Variants in ZNF277 observed in about 807,000 individuals in gnomAD.
ZNF277 encodes the protein nuclear receptor-interacting factor 4.
In ZNF277, 55 loss-of-function variants were observed where a neutral mutation model predicts 60.7. The ratio of observed to expected loss-of-function variants is 0.91; its 90% confidence interval spans 0.73 to 1.13. The LOEUF (loss-of-function observed/expected upper bound fraction) is 1.13, where lower values mean the gene tolerates loss of function less well. Among genes scored for constraint, ZNF277 ranks in the 50% most tolerant of loss-of-function variants. The pLI is 0.00. For synonymous variants in ZNF277, 178 were observed against 179.3 expected (o/e 0.99, Z 0.06); for missense variants, 510 against 523.0 (o/e 0.98, Z 0.24).
intron 1 of ZNF277, among the ~76,000 whole-genome samples, chr7:112,263,047 T>C (rs879729465): frequency 4.6e-5 from 7 of 152,172 alleles, no homozygotes; most frequent in Non-Finnish European, 5.9e-5. Flanking sequence ...ATGCCAGTCC[T>C]CTCCATTTCT....
At chr7:112,310,978 TTTTACTTTCGTC>T (rs908821721) in intron 4 of ZNF277, among the ~76,000 whole-genome samples, 1 of 152,146 alleles carries the variant, frequency 6.6e-6, no homozygotes, top group African/African-American at 2.4e-5. Flanking sequence ...TCCATCTTGG[TTTTACTTTCGTC>T]TGTTAATCCA....
intron 1 of ZNF277, 123 bp downstream of exon 1, chr7:112,206,930 GC>G: frequency 1.1e-6 from 1 of 936,156 alleles, no homozygotes; most frequent in Non-Finnish European, 1.5e-6. Context: ...GTTCGACTGG[GC>G]CCCACGGGTG....
At chr7:112,257,415 T>C (rs1282402116) in intron 1 of ZNF277, among the ~76,000 whole-genome samples, 4 of 152,156 alleles carry the variant, frequency 2.6e-5, no homozygotes, top group Admixed American at 6.5e-5. Flanking sequence ...TAATGGGTGC[T>C]AGAGAGAACT....
At chr7:112,308,070 C>T (rs2117095774) in intron 4 of ZNF277, among the ~76,000 whole-genome samples, 1 of 151,988 alleles carries the variant, frequency 6.6e-6, no homozygotes, top group Middle Eastern at 3.4e-3. Context: ...ATTTGGTTAT[C>T]TTCATATCCA....
In ZNF277 at chr7:112,206,769, A is replaced by T. The variant is rs748395240; in HGVS notation, c.53A>T (p.Asp18Val). The T allele has an allele frequency of 3.1e-6, 5 of 1,613,030 alleles. No individual in the cohort carries two copies. The South Asian group carries it at 4.4e-5, about 14-fold the overall frequency. ...GTCGCCCGAATGCAGGAAGACCGTG[A>T]TGGGAGCTGCAGCACAGTCGGGGGT... is the stretch of plus-strand genomic sequence containing the variant. Reference protein sequence around the residue: ...GAVARMQEDRDGSCSTVGGVG... With the variant: ...GAVARMQEDRVGSCSTVGGVG... The change falls in exon 1 of 12, where the codon GAT becomes GTT. Residue 18 changes from aspartate to valine, a missense_variant. Asp to Val is a radical substitution (Grantham distance 152, BLOSUM62 -3). Transcript: ENST00000361822.
At chr7:112,208,771 C>T (rs1247978364) in intron 1 of ZNF277, among the ~76,000 whole-genome samples, 1 of 147,844 alleles carries the variant, frequency 6.8e-6, no homozygotes, top group Non-Finnish European at 1.5e-5. Context: ...AGCTCCGCCT[C>T]CCAGGTTCAC....
At chr7:112,286,234 G>C (rs73717519) in intron 1 of ZNF277, among the ~76,000 whole-genome samples, 49 of 152,316 alleles carry the variant, frequency 3.2e-4, no homozygotes, top group African/African-American at 1.1e-3. Flanking sequence ...TCATCTATTT[G>C]TTCACAGAAG....
At chr7:112,307,524 C>A (rs1338849962) in intron 4 of ZNF277, among the ~76,000 whole-genome samples, 1 of 151,970 alleles carries the variant, frequency 6.6e-6, no homozygotes, top group Non-Finnish European at 1.5e-5. Context: ...AAGGGATTCT[C>A]CCTCCTTAGC....
At chr7:112,341,665 C>T (rs1793448088) in intron 11 of ZNF277, among the ~76,000 whole-genome samples, 1 of 152,306 alleles carries the variant, frequency 6.6e-6, no homozygotes, top group African/African-American at 2.4e-5. Context: ...TTTGCCAGAA[C>T]TTTGTGGACT....
intron 1 of ZNF277, among the ~76,000 whole-genome samples, chr7:112,276,031 C>T (rs1014920959): frequency 1.4e-4 from 22 of 152,122 alleles, no homozygotes; most frequent in African/African-American, 5.1e-4. Context: ...TGTAATTCAC[C>T]CATAGTATGG....
At chr7:112,294,435 A>G (rs1399325135) in intron 2 of ZNF277, among the ~76,000 whole-genome samples, 1 of 152,190 alleles carries the variant, frequency 6.6e-6, no homozygotes, top group Non-Finnish European at 1.5e-5. Context: ...AGTAGGGTGC[A>G]TCATTTATAT....
chr7:112,239,444 T>A (rs984635811), intron 1 of ZNF277, among the ~76,000 whole-genome samples: 12 of 152,212 alleles, frequency 7.9e-5, no homozygotes, highest in Non-Finnish European at 5.9e-5. Flanking sequence ...TGCTCCGGCT[T>A]CAGGTCTGAC....
At chr7:112,263,507 T>G (rs540516052) in intron 1 of ZNF277, among the ~76,000 whole-genome samples, 2 of 152,336 alleles carry the variant, frequency 1.3e-5, no homozygotes, top group East Asian at 1.9e-4. Context: ...GAAACAGGCC[T>G]TCTTCTTTAT....
At chr7:112,256,426 T>G (rs979212535) in intron 1 of ZNF277, among the ~76,000 whole-genome samples, 3 of 142,382 alleles carry the variant, frequency 2.1e-5, no homozygotes, top group Non-Finnish European at 3.1e-5. Flanking sequence ...TTGGAGTTTT[T>G]TTTTTTTTTT....
rs566032233 is a variant in ZNF277 at position 112,257,147 on chromosome 7, A to C, written c.92-29726A>C. Among the ~76,000 whole-genome samples, 204 of 152,358 alleles carry C rather than the reference A, an allele frequency of 1.3e-3. 3 individuals carry two copies. Among genetic ancestry groups the C allele is most frequent in the Middle Eastern group, 0.01 (3 of 294 alleles). On this transcript the variant is annotated intron_variant, in intron 1 of 11. Coordinates refer to ENST00000361822, the MANE Select transcript of ZNF277 (RefSeq NM_021994.3). ...TGATGACCATCAACATAATCAATAC[A>C]ATATTACTTGCTGACGCCACACCGG... is the stretch of plus-strand genomic sequence containing the variant.
chr7:112,254,622 G>A (rs1791269245), intron 1 of ZNF277, among the ~76,000 whole-genome samples: 1 of 152,208 alleles, frequency 6.6e-6, no homozygotes, highest in African/African-American at 2.4e-5. Flanking sequence ...ATTAGCTAAT[G>A]AAAAGAAGTG....
intron 5 of ZNF277, among the ~76,000 whole-genome samples, chr7:112,323,395 T>A (rs907839647): frequency 1.3e-5 from 2 of 152,220 alleles, no homozygotes; most frequent in Non-Finnish European, 2.9e-5. Flanking sequence ...GGGGTGAGAA[T>A]TTTTTCAATG....
At chr7:112,321,544 A>C (rs148153116) in intron 5 of ZNF277, among the ~76,000 whole-genome samples, 1 of 152,202 alleles carries the variant, frequency 6.6e-6, no homozygotes, top group East Asian at 1.9e-4. Flanking sequence ...TACTTATGTA[A>C]TTACCTTTAC....
chr7:112,318,911 C>T (rs570492389), intron 5 of ZNF277, among the ~76,000 whole-genome samples: 1 of 152,148 alleles, frequency 6.6e-6, no homozygotes, highest in South Asian at 2.1e-4. Flanking sequence ...GAATTACTTA[C>T]AGAACTCAGG....
Sources: gnomAD v4.1 joint callset for allele counts (sites outside exome capture counted in the v4.1 genomes callset) on GRCh38, gnomAD v4.1.1 for gene constraint, MANE v1.5 for transcripts, NCBI Gene and HGNC (gene_info 2026-07-23, HGNC 2026-07-21) for gene names.